Variants in SPATA13 observed in about 807,000 individuals in gnomAD.
SPATA13 encodes the protein spermatogenesis associated 13, also known as spermatogenesis-associated protein 13.
SPATA13 carries 50 observed loss-of-function variants against 104.0 expected under a neutral mutation model. That is an observed-to-expected ratio of 0.48 (90% CI 0.38 to 0.61). The LOEUF is 0.61. Ranked by LOEUF, SPATA13 falls within the 20% of genes least tolerant of loss-of-function variation. The pLI is 0.00. For synonymous variants in SPATA13, 606 were observed against 667.5 expected (o/e 0.91, Z 1.42); for missense variants, 1,524 against 1,690.6 (o/e 0.90, Z 1.73).
chr13:24,211,993 C>G (rs1871044818), intron 1 of SPATA13, among the ~76,000 whole-genome samples: 1 of 152,164 alleles, frequency 6.6e-6, no homozygotes, highest in Non-Finnish European at 1.5e-5. Context: ...ATGGCTGAAC[C>G]TCATCAGCTG....
At chr13:24,243,242 C>T (rs73166396) in intron 2 of SPATA13, among the ~76,000 whole-genome samples, 11,446 of 152,252 alleles carry the variant, frequency 0.075, 567 homozygotes, top group Non-Finnish European at 0.11. Flanking sequence ...TATGTTACTA[C>T]GTTACGGCTC....
At chr13:24,039,698 C>G (rs1877842237) in intron 3 of SPATA13, among the ~76,000 whole-genome samples, 1 of 151,984 alleles carries the variant, frequency 6.6e-6, no homozygotes, top group Non-Finnish European at 1.5e-5. Flanking sequence ...CTTTTTCTGC[C>G]TTTTGTAAGT....
Position 24,051,199 on chromosome 13 carries a change from C to T in SPATA13, c.-112+33498C>T, listed in dbSNP as rs1308698451. On this transcript the variant is annotated intron_variant, in intron 3 of 14. Transcript: ENST00000424834. The surrounding 1 kb of genome is among the most constrained non-coding windows in gnomAD (Gnocchi z 4.2). Reference sequence around the variant, plus strand: ...CCCTAGTTCTGCTCCCCAGTCTCCACGCAGCACATACCTTGTTGCAGTGGC... The same window carrying T: ...CCCTAGTTCTGCTCCCCAGTCTCCATGCAGCACATACCTTGTTGCAGTGGC... Among the ~76,000 whole-genome samples, 6 of 152,198 alleles carry T rather than the reference C, an allele frequency of 3.9e-5. No homozygotes were observed. Among genetic ancestry groups the T allele is most frequent in the Non-Finnish European group, 7.3e-5 (5 of 68,034 alleles).
chr13:24,191,554 G>A (rs1869758084), intron 1 of SPATA13, among the ~76,000 whole-genome samples: 1 of 125,184 alleles, frequency 8.0e-6, no homozygotes, highest in Non-Finnish European at 1.6e-5. Context: ...CTGTCACTCA[G>A]GCTGGAGTGC....
At chr13:24,081,800 C>T (rs1286347391) in intron 3 of SPATA13, among the ~76,000 whole-genome samples, 2 of 152,214 alleles carry the variant, frequency 1.3e-5, no homozygotes, top group Non-Finnish European at 2.9e-5. Context: ...GGCTTCACAG[C>T]CATTTTTCAC....
intron 1 of SPATA13, among the ~76,000 whole-genome samples, chr13:24,164,403 C>G (rs1013002217): frequency 2.4e-4 from 37 of 152,192 alleles, no homozygotes; most frequent in Admixed American, 6.5e-4. Flanking sequence ...AATTGTGATG[C>G]TCACCTCCTC....
At chr13:24,154,178 A>G (rs139780615) in intron 3 of SPATA13, among the ~76,000 whole-genome samples, 124 of 152,330 alleles carry the variant, frequency 8.1e-4, no homozygotes, top group Non-Finnish European at 1.4e-3. Context: ...CACACCTGAT[A>G]GTCTGGCAGT....
At chr13:23,982,680 T>C (rs189361997) in intron 1 of SPATA13, among the ~76,000 whole-genome samples, 2 of 152,206 alleles carry the variant, frequency 1.3e-5, no homozygotes, top group South Asian at 2.1e-4. Context: ...ATTATCTTCA[T>C]TGAGCCTTAC....
intron 1 of SPATA13, among the ~76,000 whole-genome samples, chr13:24,184,029 C>A (rs1438718496): frequency 6.6e-6 from 1 of 152,054 alleles, no homozygotes; most frequent in Non-Finnish European, 1.5e-5. Flanking sequence ...TCAAGGTCAC[C>A]CAGAAAAGCC....
intron 4 of SPATA13, among the ~76,000 whole-genome samples, chr13:24,263,915 G>A (rs746016450): frequency 7.9e-5 from 12 of 152,236 alleles, no homozygotes; most frequent in Non-Finnish European, 1.5e-4. Context: ...ATTCCACAGA[G>A]TCCGAAGGAA....
intron 4 of SPATA13, among the ~76,000 whole-genome samples, chr13:24,273,682 A>G (rs941996075): frequency 4.6e-5 from 7 of 152,232 alleles, no homozygotes; most frequent in African/African-American, 7.2e-5. Flanking sequence ...AATAATAACT[A>G]TAATGTAAAT....
At chr13:24,049,545 A>C (rs1276308241) in intron 3 of SPATA13, among the ~76,000 whole-genome samples, 1 of 152,178 alleles carries the variant, frequency 6.6e-6, no homozygotes, top group Non-Finnish European at 1.5e-5. Context: ...AGACCTAAGA[A>C]GGTGTTGGTG....
chr13:24,161,037 G>T lies in SPATA13; in HGVS notation c.-112+105G>T. ...TCCCAGTGGACTGCCTCGGGGCTTC[G>T]GGATGTCCAGCTCCCAGCTGCTTGG... On this transcript the variant is annotated intron_variant, in intron 1 of 12. Transcript: ENST00000382108. The surrounding 1 kb of genome is among the most constrained non-coding windows in gnomAD (Gnocchi z 4.5). The T allele has an allele frequency of 1.5e-6, 1 of 686,220 alleles. No individual in the cohort carries two copies. The allele number at this position is 686,220 out of a possible 1,614,324, so 42.5% of individuals were successfully genotyped here.
chr13:24,158,071 C>A (rs1052016022), upstream of SPATA13, among the ~76,000 whole-genome samples: 2 of 152,260 alleles, frequency 1.3e-5, no homozygotes, highest in Non-Finnish European at 2.9e-5. Flanking sequence ...ACAAAAAAAG[C>A]GCGTTAGACT....
In SPATA13 at chr13:24,290,357, C is replaced by G. The variant is rs1182418345; in HGVS notation, c.2848-295C>G. 2.0e-5 allele frequency among the ~76,000 whole-genome samples: 3 copies of G among 152,158 alleles called. No individual in the cohort carries two copies. In the East Asian group the frequency reaches 5.8e-4, roughly 29 times the overall value. ...GTTAGAGGCCCTGCTCCCCACCTTC[C>G]AGGATGAGCGTGAGGCAGGCTAGAA... On this transcript the variant is annotated intron_variant, in intron 8 of 12. Transcript: ENST00000382108.
chr13:24,034,707 C>T (rs540120045), intron 3 of SPATA13: 1 of 152,346 alleles, frequency 6.6e-6, no homozygotes, highest in African/African-American at 2.4e-5. Flanking sequence ...CCATAGCTGC[C>T]AGTGGGTACG....
chr13:24,172,997 C>T (rs961314465), intron 1 of SPATA13, among the ~76,000 whole-genome samples: 2 of 152,292 alleles, frequency 1.3e-5, no homozygotes, highest in African/African-American at 2.4e-5. Context: ...GTACGGCTTT[C>T]AGCACACAGG....
At chr13:24,060,226 A>G (rs1226081863) in intron 3 of SPATA13, among the ~76,000 whole-genome samples, 1 of 152,234 alleles carries the variant, frequency 6.6e-6, no homozygotes, top group Non-Finnish European at 1.5e-5. Flanking sequence ...TACTGGTACA[A>G]AAACAGGCAC....
intron 1 of SPATA13, among the ~76,000 whole-genome samples, chr13:24,188,054 C>T (rs1443639594): frequency 1.3e-5 from 2 of 152,138 alleles, no homozygotes; most frequent in African/African-American, 2.4e-5. Context: ...AAAAGTGATA[C>T]TCCAGGCCAG....
Sources: gnomAD v4.1 joint callset for allele counts (sites outside exome capture counted in the v4.1 genomes callset) on GRCh38, gnomAD v4.1.1 for gene constraint, Gnocchi (gnomAD v3.1) non-coding constraint, MANE v1.5 for transcripts, NCBI Gene and HGNC (gene_info 2026-07-23, HGNC 2026-07-21) for gene names.